The following GRIN3A variants were observed in gnomAD, a reference collection of about 807,000 sequenced individuals.
GRIN3A encodes the protein glutamate receptor ionotropic, NMDA 3A.
GRIN3A carries 47 observed loss-of-function variants against 92.4 expected under a neutral mutation model. The observed-to-expected ratio is 0.51, with a 90% CI of 0.40 to 0.65. The LOEUF (loss-of-function observed/expected upper bound fraction) is 0.65, where lower values mean the gene tolerates loss of function less well. Ranked by LOEUF, GRIN3A falls within the 30% of genes least tolerant of loss-of-function variation. The probability of loss-of-function intolerance (pLI) is 0.00; values close to 1 mark genes in which losing one functional copy is unlikely to be tolerated. For synonymous variants in GRIN3A, 527 were observed against 540.6 expected, an observed-to-expected ratio of 0.97 and a Z score of 0.35; for missense variants, 1,324 against 1,393.1, an observed-to-expected ratio of 0.95 and a Z score of 0.79.
intron 2 of GRIN3A, among the ~76,000 whole-genome samples, chr9:101,673,940 C>A (rs889444204): frequency 6.6e-6 from 1 of 152,020 alleles, no homozygotes; most frequent in Non-Finnish European, 1.5e-5. Flanking sequence ...GAACAGAGAG[C>A]AAGAGCACCT....
chr9:101,687,150 A>G lies in GRIN3A; in HGVS notation c.750T>C (p.Ala250=), dbSNP rs369186355. The stretch of plus-strand genomic sequence containing the variant: ...TGGTCAGGATTGAGACAGTGACATC[A>G]GCATCAGAACTTAATGAATTTTCTA... ...LSLENSLSSD[A]DVTVSILTMN... Residue 250 remains alanine, a synonymous_variant, in exon 2 of 9, where the codon GCT becomes GCC. Coordinates refer to ENST00000361820, the MANE Select transcript of GRIN3A (RefSeq NM_133445.3). 22 of 1,613,828 alleles carry G rather than the reference A, an allele frequency of 1.4e-5. No homozygotes were observed. The African/African-American group carries it at 2.4e-4, about 18-fold the overall frequency.
intron 3 of GRIN3A, among the ~76,000 whole-genome samples, chr9:101,664,589 C>A (rs1318464930): frequency 1.3e-5 from 2 of 151,894 alleles, no homozygotes; most frequent in East Asian, 3.9e-4. Context: ...CAGCCAGGTA[C>A]AAGATTATTT....
chr9:101,714,555 G>A lies in GRIN3A; in HGVS notation c.699+22726C>T, dbSNP rs560091325. On this transcript the variant is annotated intron_variant, in intron 1 of 8. Coordinates refer to ENST00000361820, the MANE Select transcript of GRIN3A (RefSeq NM_133445.3). Reference sequence around the variant, plus strand: ...TTCCTATTGTCCCCTGTAGTTATTAGCACTTCTCCCTTTTCATTTTCAAAT... The same window carrying A: ...TTCCTATTGTCCCCTGTAGTTATTAACACTTCTCCCTTTTCATTTTCAAAT... 3.2e-4 allele frequency among the ~76,000 whole-genome samples: 49 copies of A among 152,208 alleles called. No homozygotes were observed. The South Asian group carries it at 1.0e-2, about 31-fold the overall frequency.
chr9:101,730,193 G>A (rs114588659), intron 1 of GRIN3A, among the ~76,000 whole-genome samples: 5,616 of 152,088 alleles, frequency 0.037, 117 homozygotes, highest in African/African-American at 0.053. Flanking sequence ...CTTAAATTGC[G>A]GGTACACTTC....
At chr9:101,576,300 G>A (rs944291899) in intron 8 of GRIN3A, among the ~76,000 whole-genome samples, 1 of 152,112 alleles carries the variant, frequency 6.6e-6, no homozygotes, top group Non-Finnish European at 1.5e-5. Flanking sequence ...GCTATGGTAC[G>A]CCAAACACTC....
At chr9:101,639,128 T>TG (rs963186167) in intron 3 of GRIN3A, among the ~76,000 whole-genome samples, 22 of 152,232 alleles carry the variant, frequency 1.4e-4, no homozygotes, top group African/African-American at 5.1e-4. Flanking sequence ...CCTATGTTGT[T>TG]GGAGTCAGTT....
chr9:101,634,093 G>T (rs1828748320), intron 3 of GRIN3A, among the ~76,000 whole-genome samples: 1 of 152,026 alleles, frequency 6.6e-6, no homozygotes, highest in Non-Finnish European at 1.5e-5. Flanking sequence ...CAGCACTTTG[G>T]GAGGCCGAGG....
chr9:101,676,233 C>A (rs1353466461), intron 2 of GRIN3A, among the ~76,000 whole-genome samples: 1 of 151,880 alleles, frequency 6.6e-6, no homozygotes, highest in South Asian at 2.1e-4. Flanking sequence ...CTACTTCAAT[C>A]ATTTTTCACT....
At chr9:101,590,437 A>C (rs1234212207) in intron 6 of GRIN3A, among the ~76,000 whole-genome samples, 1 of 151,580 alleles carries the variant, frequency 6.6e-6, no homozygotes, top group Admixed American at 6.6e-5. Context: ...GCTGGAGTGC[A>C]GTGGTGTGAT....
intron 4 of GRIN3A, among the ~76,000 whole-genome samples, chr9:101,627,851 G>T (rs575784575): frequency 6.6e-6 from 1 of 152,308 alleles, no homozygotes; most frequent in East Asian, 1.9e-4. Context: ...GGCATTCCAT[G>T]GGTTTAGAGA....
At chr9:101,663,993 G>A (rs983103571) in intron 3 of GRIN3A, among the ~76,000 whole-genome samples, 12 of 151,822 alleles carry the variant, frequency 7.9e-5, no homozygotes, top group Non-Finnish European at 1.5e-4. Flanking sequence ...AGCTGAGCCA[G>A]TTCAACTCCA....
chr9:101,721,819 C>G (rs1410792237), intron 1 of GRIN3A, among the ~76,000 whole-genome samples: 1 of 152,106 alleles, frequency 6.6e-6, no homozygotes, highest in Admixed American at 6.5e-5. Context: ...GCAAAGCATT[C>G]GAAAGGTGAC....
In GRIN3A at chr9:101,709,960, G is replaced by A. The variant is rs1829859165; in HGVS notation, c.700-22760C>T. On this transcript the variant is annotated intron_variant, in intron 1 of 8. Transcript: ENST00000361820. Reference sequence around the variant, plus strand: ...AGAACATTTCAAAAAGTGTTGCTTGGATGCCTTGAACGTAAACCTATTCTA... The same window carrying A: ...AGAACATTTCAAAAAGTGTTGCTTGAATGCCTTGAACGTAAACCTATTCTA... Among the ~76,000 whole-genome samples the A allele has an allele frequency of 1.3e-5, 2 of 152,112 alleles. 1 individual carries two copies. The highest frequency in any genetic ancestry group is 4.1e-4 in the South Asian group (2 of 4,822).
At chr9:101,604,973 A>G (rs1378997262) in intron 6 of GRIN3A, among the ~76,000 whole-genome samples, 1 of 152,362 alleles carries the variant, frequency 6.6e-6, no homozygotes, top group East Asian at 1.9e-4. Context: ...ACATATTAAT[A>G]TATCATATAT....
At chr9:101,697,080 T>G (rs1829694842) in intron 1 of GRIN3A, among the ~76,000 whole-genome samples, 1 of 152,200 alleles carries the variant, frequency 6.6e-6, no homozygotes. Flanking sequence ...ATTTGAGAAT[T>G]CAAACACTTT....
At chr9:101,606,822 GC>G (rs1237823779) in intron 6 of GRIN3A, among the ~76,000 whole-genome samples, 2 of 150,732 alleles carry the variant, frequency 1.3e-5, no homozygotes, top group Non-Finnish European at 2.9e-5. Flanking sequence ...CGGCTGCCTT[GC>G]TTTCCTGGTT....
chr9:101,609,697 T>G (rs918906224), intron 6 of GRIN3A, among the ~76,000 whole-genome samples: 3 of 152,288 alleles, frequency 2.0e-5, no homozygotes, highest in African/African-American at 2.4e-5. Flanking sequence ...CACCTAGGAA[T>G]CATATGGTCC....
intron 5 of GRIN3A, among the ~76,000 whole-genome samples, chr9:101,617,017 G>A (rs13288478): frequency 1.2e-4 from 18 of 150,768 alleles, no homozygotes; most frequent in African/African-American, 3.0e-4. Context: ...TGACTAACAC[G>A]GTGAAACCCC....
At position 101,670,981 on chromosome 9, in the gene GRIN3A, C is replaced by T; in HGVS notation, c.1431G>A (p.Met477Ile). The change falls in exon 3 of 9, where the codon ATG becomes ATA. Residue 477 changes from methionine to isoleucine, a missense_variant. Coordinates refer to ENST00000361820, the MANE Select transcript of GRIN3A (RefSeq NM_133445.3). ...CCTGCCAGCTGCCCAAGCGGGTCCA[C>T]ATTGGCTTTCCCATGGGGTCATGTT... ...NLQHDPMGKP[M>I]WTRLGSWQGG... The T allele has an allele frequency of 4.3e-6, 7 of 1,614,004 alleles. No homozygotes were observed. Among genetic ancestry groups the T allele is most frequent in the East Asian group, 2.2e-5 (1 of 44,856 alleles).
Sources: gnomAD v4.1 joint callset for allele counts (sites outside exome capture counted in the v4.1 genomes callset) on GRCh38, gnomAD v4.1.1 for gene constraint, MANE v1.5 for transcripts, NCBI Gene and HGNC (gene_info 2026-07-23, HGNC 2026-07-21) for gene names.